Variants in CDH13 observed in about 807,000 individuals in gnomAD.
CDH13 encodes cadherin 13, also known as cadherin-13.
CDH13 carries 24 observed loss-of-function variants against 63.8 expected under a neutral mutation model. The ratio of observed to expected loss-of-function variants is 0.38; its 90% confidence interval spans 0.27 to 0.53. CDH13 has a LOEUF of 0.53. CDH13 is among the 20% of genes least tolerant of loss of function. CDH13 has a pLI of 0.85. For synonymous variants in CDH13, 503 were observed against 355.3 expected, an observed-to-expected ratio of 1.42 and a Z score of -4.67; for missense variants, 1,049 against 903.1, an observed-to-expected ratio of 1.16 and a Z score of -2.07.
intron 6 of CDH13, among the ~76,000 whole-genome samples, chr16:83,410,998 A>G (rs952883069): frequency 3.9e-5 from 6 of 152,150 alleles, no homozygotes; most frequent in Non-Finnish European, 7.4e-5. Flanking sequence ...AAGTCAACCC[A>G]TGTCCGTGCG....
intron 1 of CDH13, among the ~76,000 whole-genome samples, chr16:82,678,864 C>T (rs1480540784): frequency 6.6e-6 from 1 of 152,180 alleles, no homozygotes; most frequent in Non-Finnish European, 1.5e-5. Flanking sequence ...ACTCTTTCAT[C>T]ATCCCTGACA....
chr16:83,712,993 T>C (rs945992506), intron 10 of CDH13, among the ~76,000 whole-genome samples: 3 of 152,242 alleles, frequency 2.0e-5, no homozygotes, highest in African/African-American at 7.2e-5. Context: ...TGGAGAGCTC[T>C]GTTGCTTTCA....
At chr16:82,719,545 A>G (rs2032622727) in intron 1 of CDH13, 1 of 419,950 alleles carries the variant, frequency 2.4e-6, no homozygotes, top group Admixed American at 2.6e-5. Context: ...TGTTTTAAGC[A>G]TTTGATTAAA....
intron 3 of CDH13, among the ~76,000 whole-genome samples, chr16:83,081,422 GGATCATATTACCAGC>G (rs148308295): frequency 0.016 from 2,437 of 152,212 alleles, 51 homozygotes; most frequent in African/African-American, 0.056. Context: ...CCTAGAACAA[GGATCATATTACCAGC>G]GTTTAGAGAA....
At chr16:82,665,327 T>C (rs1647086885) in intron 1 of CDH13, among the ~76,000 whole-genome samples, 1 of 152,162 alleles carries the variant, frequency 6.6e-6, no homozygotes, top group Non-Finnish European at 1.5e-5. Flanking sequence ...TGTTCCAGCA[T>C]GAGTTACAGT....
Position 83,426,822 on chromosome 16 carries a change from G to A in CDH13, c.782-59655G>A, listed in dbSNP as rs1459450269. Reference sequence around the variant, plus strand: ...TGACCCATCTCTTTTCTCCTCTCTTGCTGTTAAGGTGTGTGGTGATCACAG... The same window carrying A: ...TGACCCATCTCTTTTCTCCTCTCTTACTGTTAAGGTGTGTGGTGATCACAG... On this transcript the variant is annotated intron_variant, in intron 6 of 13. Transcript: ENST00000567109. 2.0e-5 allele frequency among the ~76,000 whole-genome samples: 3 copies of A among 148,252 alleles called. No homozygotes were observed. The East Asian group carries it at 5.9e-4, about 29-fold the overall frequency.
intron 2 of CDH13, among the ~76,000 whole-genome samples, chr16:83,031,609 C>T (rs922333300): frequency 5.9e-5 from 9 of 151,920 alleles, no homozygotes; most frequent in East Asian, 2.0e-4. Context: ...ATCTTCAATA[C>T]CCAGCTCAAA....
intron 5 of CDH13, among the ~76,000 whole-genome samples, chr16:83,319,158 T>C (rs1169347876): frequency 6.6e-6 from 1 of 152,192 alleles, no homozygotes; most frequent in Non-Finnish European, 1.5e-5. Flanking sequence ...TGCTGCTTGT[T>C]GTCTCTTATA....
intron 5 of CDH13, among the ~76,000 whole-genome samples, chr16:83,276,282 C>G (rs1033823127): frequency 1.3e-5 from 2 of 152,114 alleles, no homozygotes; most frequent in African/African-American, 4.8e-5. Context: ...AGGAGCCCCC[C>G]AAGAGCAGCC....
At chr16:82,877,311 C>G (rs2040538933) in intron 2 of CDH13, among the ~76,000 whole-genome samples, 1 of 152,046 alleles carries the variant, frequency 6.6e-6, no homozygotes, top group African/African-American at 2.4e-5. Context: ...GACTGTTGTC[C>G]CAGATAAATT....
At chr16:83,350,036 C>T (rs2090918783) in intron 6 of CDH13, among the ~76,000 whole-genome samples, 1 of 152,162 alleles carries the variant, frequency 6.6e-6, no homozygotes, top group African/African-American at 2.4e-5. Flanking sequence ...AATATCTACT[C>T]CCCCAAGTCT....
chr16:82,747,541 A>G (rs553871056), intron 1 of CDH13, among the ~76,000 whole-genome samples: 1 of 152,280 alleles, frequency 6.6e-6, no homozygotes, highest in Admixed American at 6.5e-5. Context: ...TTTGAAATGC[A>G]AATTCTTGGG....
At position 83,795,012 on chromosome 16, in the gene CDH13, T is replaced by C; in HGVS notation, c.2135-11T>C. The C allele has an allele frequency of 6.3e-7, 1 of 1,594,620 alleles. No individual in the cohort carries two copies. The highest frequency in any genetic ancestry group is 1.1e-5 in the South Asian group (1 of 87,414). ...ATATTCCCGACTTAACTCTGAACCCTCTCTATTCAGGTCTGTGAGAACTCC... is the reference window on the plus strand; with the variant it reads ...ATATTCCCGACTTAACTCTGAACCCCCTCTATTCAGGTCTGTGAGAACTCC... On this transcript the variant is annotated splice_polypyrimidine_tract_variant and intron_variant, in intron 13 of 13. Coordinates refer to ENST00000567109, the MANE Select transcript of CDH13 (RefSeq NM_001257.5).
intron 8 of CDH13, among the ~76,000 whole-genome samples, chr16:83,633,744 A>C (rs958441037): frequency 2.0e-5 from 3 of 152,118 alleles, no homozygotes; most frequent in African/African-American, 7.2e-5. Flanking sequence ...TTGCCCTTCA[A>C]AACAGGTTGC....
chr16:83,148,169 C>G (rs149219678), intron 4 of CDH13, among the ~76,000 whole-genome samples: 2,367 of 152,272 alleles, frequency 0.016, 70 homozygotes, highest in African/African-American at 0.054. Flanking sequence ...AACTCCTGAC[C>G]TCAAGTGATC....
chr16:82,671,724 A>G (rs766576449), intron 1 of CDH13, among the ~76,000 whole-genome samples: 7 of 152,174 alleles, frequency 4.6e-5, no homozygotes, highest in Non-Finnish European at 1.0e-4. Context: ...CTAGAACTCA[A>G]TTTATCAGAT....
rs1165763642 is a variant in CDH13 at position 83,779,011 on chromosome 16, C to A, written c.1682-957C>A. 2.6e-5 allele frequency among the ~76,000 whole-genome samples: 4 copies of A among 152,190 alleles called. No homozygotes were observed. In the East Asian group the frequency reaches 7.7e-4, roughly 29 times the overall value. ...ATAAGTGAGGAAAAGTCATATTTAT[C>A]TCCATTCTTTGAATAGATTTCAGTG... On this transcript the variant is annotated intron_variant, in intron 11 of 13. Coordinates refer to ENST00000567109, the MANE Select transcript of CDH13 (RefSeq NM_001257.5).
intron 8 of CDH13, among the ~76,000 whole-genome samples, chr16:83,646,287 G>C (rs748680398): frequency 5.4e-4 from 83 of 152,338 alleles, no homozygotes; most frequent in Admixed American, 1.1e-3. Flanking sequence ...ACCCCACTGG[G>C]TGAGTAGCGT....
rs568675991 is a variant in CDH13 at position 83,451,916 on chromosome 16, C to T, written c.782-34561C>T. 4.5e-4 allele frequency among the ~76,000 whole-genome samples: 68 copies of T among 152,308 alleles called. No individual in the cohort carries two copies. In the Middle Eastern group the frequency reaches 0.014, roughly 30 times the overall value. ...TTAATTTAAAATGGAGCCTTCAGTGCATCTGGTATGTGTGTGAATTGGACC... is the reference window on the plus strand; with the variant it reads ...TTAATTTAAAATGGAGCCTTCAGTGTATCTGGTATGTGTGTGAATTGGACC... On this transcript the variant is annotated intron_variant, in intron 6 of 13. Coordinates refer to ENST00000567109, the MANE Select transcript of CDH13 (RefSeq NM_001257.5).
Sources: gnomAD v4.1 joint callset for allele counts (sites outside exome capture counted in the v4.1 genomes callset) on GRCh38, gnomAD v4.1.1 for gene constraint, MANE v1.5 for transcripts, NCBI Gene and HGNC (gene_info 2026-07-23, HGNC 2026-07-21) for gene names.